PLEKHA7: variants seen among roughly 807,000 people sequenced by gnomAD.
PLEKHA7 encodes the protein pleckstrin homology domain containing A7, also known as pleckstrin homology domain-containing family A member 7.
In PLEKHA7, 104 loss-of-function variants were observed where a neutral mutation model predicts 170.0. The observed-to-expected ratio is 0.61, with a 90% CI of 0.52 to 0.72. PLEKHA7 has a LOEUF of 0.72. Ranked by LOEUF, PLEKHA7 falls within the 30% of genes least tolerant of loss-of-function variation. The pLI is 0.00. For missense variants in PLEKHA7, 1,615 were observed against 1,671.7 expected, an observed-to-expected ratio of 0.97 and a Z score of 0.59; for synonymous variants, 648 against 660.8, an observed-to-expected ratio of 0.98 and a Z score of 0.30.
intron 26 of PLEKHA7, among the ~76,000 whole-genome samples, chr11:16,782,053 A>G (rs1311730418): frequency 6.6e-6 from 1 of 152,020 alleles, no homozygotes; most frequent in Non-Finnish European, 1.5e-5. Flanking sequence ...TGGCTGAGAG[A>G]AAGAGCAGCC....
chr11:16,799,641 A>G (rs1259835203), intron 17 of PLEKHA7, among the ~76,000 whole-genome samples: 3 of 152,264 alleles, frequency 2.0e-5, no homozygotes. Flanking sequence ...GCAGTTTTAT[A>G]AACTCATAAC....
chr11:16,901,306 C>G (rs747797253), intron 3 of PLEKHA7, among the ~76,000 whole-genome samples: 1 of 152,178 alleles, frequency 6.6e-6, no homozygotes, highest in Non-Finnish European at 1.5e-5. Flanking sequence ...CTAGGCTCAC[C>G]AGCCAGACAA....
At position 16,794,556 on chromosome 11, in the gene PLEKHA7, G is replaced by A; in HGVS notation, c.2677C>T (p.Pro893Ser). The change falls in exon 19 of 27, where the codon CCT becomes TCT. Residue 893 changes from proline to serine, a missense_variant. Physicochemically the swap from Pro to Ser is moderately conservative, Grantham distance 74. Transcript: ENST00000531066. ...ACTTTCCTCAGCTGGGGTGGGTGAGGTCGGTACGGCACGTAGGTTTGCAGC... is the reference window on the plus strand; with the variant it reads ...ACTTTCCTCAGCTGGGGTGGGTGAGATCGGTACGGCACGTAGGTTTGCAGC... ...PQLQTYVPYR[P>S]HPPQLRKVTS... The A allele has an allele frequency of 6.2e-7, 1 of 1,613,964 alleles. No homozygotes were observed. Among genetic ancestry groups the A allele is most frequent in the Non-Finnish European group, 8.5e-7 (1 of 1,179,964 alleles).
At chr11:16,844,751 G>A (rs551415146) in intron 8 of PLEKHA7, among the ~76,000 whole-genome samples, 11 of 152,306 alleles carry the variant, frequency 7.2e-5, no homozygotes, top group Middle Eastern at 3.4e-3. Flanking sequence ...ACTGGTGAAG[G>A]AGCCAGAAGC....
At chr11:16,935,404 AGAGT>A (rs1225676624) in intron 3 of PLEKHA7, among the ~76,000 whole-genome samples, 1 of 152,260 alleles carries the variant, frequency 6.6e-6, no homozygotes, top group African/African-American at 2.4e-5. Flanking sequence ...CCTGGGTGAC[AGAGT>A]GAGACTCCGT....
At chr11:16,876,123 A>G (rs2135733036) in intron 3 of PLEKHA7, among the ~76,000 whole-genome samples, 2 of 152,214 alleles carry the variant, frequency 1.3e-5, no homozygotes, top group South Asian at 4.1e-4. Context: ...CCGCCACAAA[A>G]GCCCTCAGTC....
At chr11:16,982,679 C>T (rs1863501842) in intron 3 of PLEKHA7, among the ~76,000 whole-genome samples, 1 of 152,070 alleles carries the variant, frequency 6.6e-6, no homozygotes, top group Non-Finnish European at 1.5e-5. Flanking sequence ...CTGACCTCTG[C>T]CACCTGTGTC....
intron 21 of PLEKHA7, 107 bp downstream of exon 21, chr11:16,790,691 C>T: frequency 8.8e-7 from 1 of 1,132,006 alleles, no homozygotes; most frequent in African/African-American, 1.5e-5. Context: ...AGCTGCTGCT[C>T]ACTCCTAGGC....
intron 3 of PLEKHA7, among the ~76,000 whole-genome samples, chr11:16,973,805 T>A (rs114459117): frequency 2.0e-5 from 3 of 152,070 alleles, no homozygotes; most frequent in Non-Finnish European, 4.4e-5. Flanking sequence ...TTCCTCCCCA[T>A]CCACTGTGAG....
chr11:16,855,727 A>G, intron 5 of PLEKHA7, 76 bp downstream of exon 5: 1 of 1,096,662 alleles, frequency 9.1e-7, no homozygotes, highest in Non-Finnish European at 1.4e-6. Context: ...GTGAAGATCA[A>G]ATGGACTTCT....
At chr11:17,009,231 A>G (rs1024321052) in intron 3 of PLEKHA7, among the ~76,000 whole-genome samples, 3 of 152,156 alleles carry the variant, frequency 2.0e-5, no homozygotes, top group Non-Finnish European at 4.4e-5. Flanking sequence ...AAAATCATTG[A>G]ACCTTCATGG....
chr11:16,880,457 T>C (rs570441952), intron 3 of PLEKHA7, among the ~76,000 whole-genome samples: 1 of 152,382 alleles, frequency 6.6e-6, no homozygotes, highest in South Asian at 2.1e-4. Context: ...CAGTGCCTGC[T>C]ATATTTATCT....
chr11:16,814,953 G>T (rs1374837905), intron 12 of PLEKHA7, among the ~76,000 whole-genome samples: 1 of 152,222 alleles, frequency 6.6e-6, no homozygotes, highest in Non-Finnish European at 1.5e-5. Context: ...AGAAGCGACA[G>T]TTTAGGGCCC....
chr11:16,816,775 C>A, intron 11 of PLEKHA7, 25 bp downstream of exon 11: 1 of 1,607,724 alleles, frequency 6.2e-7, no homozygotes. Flanking sequence ...GACCCAGCAG[C>A]CTGGCAGAGC....
At position 16,936,221 on chromosome 11, in the gene PLEKHA7, G is replaced by A. The variant is rs184571666; in HGVS notation, c.222-65039C>T. Reference sequence around the variant, plus strand: ...TCAAGACCAGCCTGGCCAACATAGTGAAACCCTGTCTCTACTAAAAAATAC... The same window carrying A: ...TCAAGACCAGCCTGGCCAACATAGTAAAACCCTGTCTCTACTAAAAAATAC... On this transcript the variant is annotated intron_variant, in intron 3 of 26. Coordinates refer to ENST00000531066, the MANE Select transcript of PLEKHA7 (RefSeq NM_001329630.2). 5.6e-3 allele frequency among the ~76,000 whole-genome samples: 847 copies of A among 151,878 alleles called. 7 individuals are homozygous for A. Among genetic ancestry groups the A allele is most frequent in the Non-Finnish European group, 9.7e-3 (659 of 67,944 alleles).
chr11:16,935,584 T>C (rs1457076096), intron 3 of PLEKHA7, among the ~76,000 whole-genome samples: 3 of 152,216 alleles, frequency 2.0e-5, no homozygotes, highest in Non-Finnish European at 2.9e-5. Context: ...ATAAAAGTTA[T>C]TAGGTTTTCC....
intron 3 of PLEKHA7, among the ~76,000 whole-genome samples, chr11:16,937,051 T>A (rs1162751431): frequency 6.6e-6 from 1 of 152,156 alleles, no homozygotes; most frequent in Non-Finnish European, 1.5e-5. Context: ...AATTACAGGA[T>A]TGGATTTATA....
At chr11:16,939,463 C>T (rs1046347065) in intron 3 of PLEKHA7, among the ~76,000 whole-genome samples, 18 of 151,878 alleles carry the variant, frequency 1.2e-4, no homozygotes, top group Non-Finnish European at 2.4e-4. Flanking sequence ...ATTAGCTATA[C>T]AACATAGATA....
At chr11:16,880,907 A>G (rs191958295) in intron 3 of PLEKHA7, among the ~76,000 whole-genome samples, 33 of 152,220 alleles carry the variant, frequency 2.2e-4, no homozygotes, top group African/African-American at 7.7e-4. Context: ...TAGCATTTTA[A>G]GATGCTGCGG....
Sources: gnomAD v4.1 joint callset for allele counts (sites outside exome capture counted in the v4.1 genomes callset) on GRCh38, gnomAD v4.1.1 for gene constraint, MANE v1.5 for transcripts, NCBI Gene and HGNC (gene_info 2026-07-23, HGNC 2026-07-21) for gene names.